Variants in NKAIN3 observed in about 807,000 individuals in gnomAD.
NKAIN3 encodes sodium/potassium-transporting ATPase subunit beta-1-interacting protein 3.
A neutral mutation model predicts 30.2 loss-of-function variants in NKAIN3; 25 were observed. That is an observed-to-expected ratio of 0.83 (90% CI 0.60 to 1.16). The LOEUF (loss-of-function observed/expected upper bound fraction) is 1.16, where lower values mean the gene tolerates loss of function less well. NKAIN3 is among the 50% of genes most tolerant of loss of function. The probability of loss-of-function intolerance (pLI) is 0.00; values close to 1 mark genes in which losing one functional copy is unlikely to be tolerated. For synonymous variants in NKAIN3, 91 were observed against 89.6 expected (o/e 1.02, Z -0.09); for missense variants, 225 against 254.1 (o/e 0.89, Z 0.78).
Position 62,806,810 on chromosome 8 carries a change from TA to T in NKAIN3, c.471+59687del, listed in dbSNP as rs543373801. Among the ~76,000 whole-genome samples the T allele has an allele frequency of 5.4e-3, 821 of 151,184 alleles. 7 individuals carry two copies. Among genetic ancestry groups the T allele is most frequent in the African/African-American group, 0.019 (789 of 41,290 alleles). On this transcript the variant is annotated intron_variant, in intron 4 of 6. Coordinates refer to ENST00000623646, the MANE Select transcript of NKAIN3 (RefSeq NM_001304533.3). ...CCTAAAAGTTAAAGTATAATAATAA[TA>T]AAAAATAAAATAATATAAAAAAATA... is the stretch of plus-strand genomic sequence containing the variant.
At chr8:62,572,764 G>GA (rs1452520199) in intron 1 of NKAIN3, among the ~76,000 whole-genome samples, 1 of 152,112 alleles carries the variant, frequency 6.6e-6, no homozygotes, top group Non-Finnish European at 1.5e-5. Context: ...ACTATCATGA[G>GA]AAAAGCACAG....
chr8:62,316,131 G>GT (rs1265742135), intron 1 of NKAIN3, among the ~76,000 whole-genome samples: 4 of 152,068 alleles, frequency 2.6e-5, no homozygotes, highest in Non-Finnish European at 4.4e-5. Flanking sequence ...CACAAGGATT[G>GT]TAAGTTTTCT....
intron 1 of NKAIN3, among the ~76,000 whole-genome samples, chr8:62,349,838 T>G (rs1463661646): frequency 6.6e-6 from 1 of 152,178 alleles, no homozygotes; most frequent in Non-Finnish European, 1.5e-5. Context: ...AGGTGAAGCC[T>G]TGTTTCATCT....
chr8:62,279,707 A>T (rs1813103514), intron 1 of NKAIN3, among the ~76,000 whole-genome samples: 2 of 151,904 alleles, frequency 1.3e-5, no homozygotes, highest in Non-Finnish European at 2.9e-5. Flanking sequence ...TATTTCTGAG[A>T]GCTCTGTTCT....
chr8:62,641,002 CATTT>C (rs1812289557), intron 3 of NKAIN3, among the ~76,000 whole-genome samples: 1 of 150,008 alleles, frequency 6.7e-6, no homozygotes, highest in Admixed American at 6.6e-5. Context: ...AGAAAAGCCT[CATTT>C]ATTTATTTTT....
At chr8:62,534,873 T>TTG (rs1344225941) in intron 1 of NKAIN3, among the ~76,000 whole-genome samples, 4 of 151,798 alleles carry the variant, frequency 2.6e-5, no homozygotes, top group African/African-American at 9.7e-5. Flanking sequence ...TTTTTTTTTT[T>TTG]TCGTATAGTT....
At chr8:62,988,003 C>T (rs1004475237), downstream of NKAIN3, among the ~76,000 whole-genome samples, 2 of 152,190 alleles carry the variant, frequency 1.3e-5, no homozygotes, top group African/African-American at 2.4e-5. Flanking sequence ...TTGGCAAAAA[C>T]CAAAGGGCTA....
At chr8:62,987,372 G>T (rs1423429481), downstream of NKAIN3, among the ~76,000 whole-genome samples, 2 of 152,078 alleles carry the variant, frequency 1.3e-5, no homozygotes, top group African/African-American at 4.8e-5. Context: ...GAATTCAGGA[G>T]GTGGAGTATA....
At chr8:62,486,674 G>A (rs576870101) in intron 1 of NKAIN3, among the ~76,000 whole-genome samples, 12 of 152,174 alleles carry the variant, frequency 7.9e-5, no homozygotes, top group East Asian at 5.8e-4. Flanking sequence ...GAAAACTTCC[G>A]ACACACACCC....
At chr8:62,589,682 C>G in intron 2 of NKAIN3, 32 bp from the exon 3 acceptor site, 2 of 1,017,382 alleles carry the variant, frequency 2.0e-6, no homozygotes, top group Non-Finnish European at 3.0e-6. Context: ...CCATATTTTT[C>G]TTCTCTTTCT....
intron 3 of NKAIN3, among the ~76,000 whole-genome samples, chr8:62,729,039 A>AAAAAAAAAAAAAAAAC (rs200466973): frequency 3.1e-5 from 3 of 96,948 alleles, no homozygotes; most frequent in Admixed American, 1.1e-4. Flanking sequence ...AAAAAAAAAA[A>AAAAAAAAAAAAAAAAC]CAAAAAAAAA....
intron 3 of NKAIN3, among the ~76,000 whole-genome samples, chr8:62,661,273 C>G (rs563756003): frequency 6.6e-6 from 1 of 152,242 alleles, no homozygotes; most frequent in Non-Finnish European, 1.5e-5. Context: ...CCATCATGAT[C>G]ATGAGGTTGG....
At chr8:62,788,941 T>C (rs999725523) in intron 4 of NKAIN3, among the ~76,000 whole-genome samples, 1 of 152,176 alleles carries the variant, frequency 6.6e-6, no homozygotes, top group Non-Finnish European at 1.5e-5. Context: ...TGTAGTCTTC[T>C]AGTATAGTTT....
chr8:62,381,480 A>G (rs1817273567), intron 1 of NKAIN3, among the ~76,000 whole-genome samples: 1 of 152,102 alleles, frequency 6.6e-6, no homozygotes, highest in Non-Finnish European at 1.5e-5. Flanking sequence ...GTTTGACTAG[A>G]TGGTACTTCT....
intron 1 of NKAIN3, among the ~76,000 whole-genome samples, chr8:62,459,509 C>T (rs757467140): frequency 7.2e-5 from 11 of 152,138 alleles, no homozygotes; most frequent in Non-Finnish European, 1.6e-4. Context: ...AATGAACATG[C>T]TTGCTTTTAT....
chr8:62,480,587 A>G (rs951505769), intron 1 of NKAIN3, among the ~76,000 whole-genome samples: 3 of 151,848 alleles, frequency 2.0e-5, no homozygotes, highest in African/African-American at 4.8e-5. Context: ...GAGTCCTAAC[A>G]GGAGAGAAAA....
chr8:62,721,140 C>A (rs1017056825), intron 3 of NKAIN3, among the ~76,000 whole-genome samples: 1 of 152,150 alleles, frequency 6.6e-6, no homozygotes, highest in Non-Finnish European at 1.5e-5. Context: ...AGTAAAATAT[C>A]CCTGTAGCAG....
intron 1 of NKAIN3, among the ~76,000 whole-genome samples, chr8:62,513,579 G>A (rs1807879939): frequency 6.6e-6 from 1 of 151,952 alleles, no homozygotes; most frequent in Non-Finnish European, 1.5e-5. Context: ...AAAGGAAAGA[G>A]GATTTGTGGC....
At chr8:62,696,463 A>C (rs1814157017) in intron 3 of NKAIN3, among the ~76,000 whole-genome samples, 1 of 152,222 alleles carries the variant, frequency 6.6e-6, no homozygotes, top group African/African-American at 2.4e-5. Context: ...AGAGAATAAT[A>C]CCAACAATGA....
Sources: gnomAD v4.1 joint callset for allele counts (sites outside exome capture counted in the v4.1 genomes callset) on GRCh38, gnomAD v4.1.1 for gene constraint, MANE v1.5 for transcripts, NCBI Gene and HGNC (gene_info 2026-07-23, HGNC 2026-07-21) for gene names.